The following THRB variants were observed in gnomAD, a reference collection of about 807,000 sequenced individuals.
THRB encodes thyroid hormone receptor beta.
Under a neutral mutation model 47.8 loss-of-function variants are expected in THRB, and 12 were observed. That is an observed-to-expected ratio of 0.25 (90% confidence interval 0.16 to 0.41). The LOEUF is 0.41. THRB is among the 10% of genes least tolerant of loss of function. The pLI, the probability that THRB is intolerant of heterozygous loss-of-function variation, is 1.00. For missense variants in THRB, 348 were observed against 589.2 expected, an observed-to-expected ratio of 0.59 and a Z score of 4.24; for synonymous variants, 218 against 212.2, an observed-to-expected ratio of 1.03 and a Z score of -0.24.
chr3:24,482,923 C>A (rs1696698106), intron 1 of THRB, among the ~76,000 whole-genome samples: 1 of 152,158 alleles, frequency 6.6e-6, no homozygotes, highest in Non-Finnish European at 1.5e-5. Context: ...AAGTAGAAGA[C>A]AGCCTTATTC....
At chr3:24,367,650 A>C (rs983813421) in intron 1 of THRB, among the ~76,000 whole-genome samples, 1 of 152,162 alleles carries the variant, frequency 6.6e-6, no homozygotes. Context: ...CTGTTGTAAC[A>C]TGCTTTGTTG....
chr3:24,190,704 G>A (rs1013890299), intron 4 of THRB, among the ~76,000 whole-genome samples: 1 of 151,970 alleles, frequency 6.6e-6, no homozygotes, highest in Middle Eastern at 3.4e-3. Flanking sequence ...AGGGCTGGCC[G>A]TGAACACTTT....
chr3:24,140,431 T>C (rs1437124284), intron 8 of THRB, among the ~76,000 whole-genome samples: 1 of 152,180 alleles, frequency 6.6e-6, no homozygotes, highest in African/African-American at 2.4e-5. Context: ...GCTGGTGTCA[T>C]GTAAAGGCTT....
At chr3:24,399,850 T>C (rs1002024498) in intron 1 of THRB, among the ~76,000 whole-genome samples, 1 of 152,124 alleles carries the variant, frequency 6.6e-6, no homozygotes, top group African/African-American at 2.4e-5. Context: ...ACCACATTCT[T>C]GGTCTCCAGT....
chr3:24,218,327 TCTCTCTCTCTCTC>T (rs1315526912), intron 4 of THRB, among the ~76,000 whole-genome samples: 3 of 114,052 alleles, frequency 2.6e-5, no homozygotes, highest in African/African-American at 1.2e-4. Flanking sequence ...ATTTTTTGTC[TCTCTCTCTCTCTC>T]TCTTTTTTTT....
At chr3:24,265,887 A>G (rs2052600612) in intron 3 of THRB, among the ~76,000 whole-genome samples, 1 of 152,172 alleles carries the variant, frequency 6.6e-6, no homozygotes, top group Non-Finnish European at 1.5e-5. Flanking sequence ...TTTGAACCCA[A>G]TTTTTAAGAA....
At chr3:24,311,192 G>A (rs2057732231) in intron 2 of THRB, among the ~76,000 whole-genome samples, 1 of 152,132 alleles carries the variant, frequency 6.6e-6, no homozygotes, top group African/African-American at 2.4e-5. Flanking sequence ...TCCTCAAGGG[G>A]CCACAATTAC....
intron 3 of THRB, among the ~76,000 whole-genome samples, chr3:24,233,565 A>AAGAAAG (rs767265130): frequency 0.063 from 5,218 of 82,458 alleles, 213 homozygotes; most frequent in East Asian, 0.15. Context: ...AAAAGGAAGA[A>AAGAAAG]AGAAAGAAAG....
At position 24,233,567 on chromosome 3, in the gene THRB, GAAAGAAAGAAAGAAAGAAAGAAAGA is replaced by G. The variant is rs1559683588; in HGVS notation, c.-42-4591_-42-4567del. On this transcript the variant is annotated intron_variant, in intron 3 of 10. Transcript: ENST00000646209. Reference sequence around the variant, plus strand: ...AGAGAAAGAAAGAAAAAGGAAGAAAGAAAGAAAGAAAGAAAGAAAGAAAGAAAGAAAGAAAGAAAGAAAGAAAGAG... The same window carrying G: ...AGAGAAAGAAAGAAAAAGGAAGAAAGAAGAAAGAAAGAAAGAAAGAAAGAG... Among the ~76,000 whole-genome samples, 1,046 of 135,704 alleles carry G rather than the reference GAAAGAAAGAAAGAAAGAAAGAAAGA, an allele frequency of 7.7e-3. 15 individuals carry two copies. Among genetic ancestry groups the G allele is most frequent in the African/African-American group, 0.028 (1,000 of 35,628 alleles). The allele number at this position is 135,704 out of a possible 152,430, so 89.0% of individuals were successfully genotyped here. A position where few individuals can be genotyped will look rare whatever the true frequency, so the allele number is the denominator to read the frequency against.
At chr3:24,269,387 A>ACGCGCG (rs140133862) in intron 3 of THRB, among the ~76,000 whole-genome samples, 10 of 98,364 alleles carry the variant, frequency 1.0e-4, no homozygotes, top group African/African-American at 3.5e-4. Flanking sequence ...CATAGCTCAC[A>ACGCGCG]CGCGCGCGCG....
intron 1 of THRB, among the ~76,000 whole-genome samples, chr3:24,432,220 A>G (rs140400429): frequency 1.3e-5 from 2 of 152,230 alleles, no homozygotes; most frequent in East Asian, 3.9e-4. Context: ...AAAGAAAAAG[A>G]GAGAGACCAA....
intron 2 of THRB, among the ~76,000 whole-genome samples, chr3:24,299,765 G>GTTTTTTT (rs1559869214): frequency 2.1e-5 from 1 of 46,718 alleles, no homozygotes; most frequent in African/African-American, 1.2e-4. Context: ...GGGGAAGTAT[G>GTTTTTTT]CTTTTTTATT....
intron 1 of THRB, among the ~76,000 whole-genome samples, chr3:24,363,468 A>G (rs62255389): frequency 0.03 from 4,602 of 152,282 alleles, 102 homozygotes; most frequent in South Asian, 0.058. Context: ...AATATTAAGC[A>G]ATCCACTGGA....
chr3:24,373,012 A>G (rs2065029187), intron 1 of THRB, among the ~76,000 whole-genome samples: 1 of 152,132 alleles, frequency 6.6e-6, no homozygotes, highest in Non-Finnish European at 1.5e-5. Flanking sequence ...CTAGCAACAT[A>G]GAAAGAGATC....
At position 24,120,166 on chromosome 3, in the gene THRB, A is replaced by C. The variant is rs2031409424; in HGVS notation, c.*2718T>G. ...ACCTCTGTCAGCTTCAGAAGGAAGG[A>C]GTTTAGTTTCAGAGTCATTATCTTT... On this transcript the variant is annotated 3_prime_UTR_variant, in exon 11 of 11. Coordinates refer to ENST00000646209, the MANE Select transcript of THRB (RefSeq NM_001354712.2). The C allele has an allele frequency of 6.6e-6, 1 of 152,200 alleles. No individual in the cohort carries two copies. Among genetic ancestry groups the C allele is most frequent in the South Asian group, 2.1e-4 (1 of 4,820 alleles). The allele number at this position is 152,200 out of a possible 1,614,324, so 9.4% of individuals were successfully genotyped here.
chr3:24,334,396 T>G (rs2062107787), intron 2 of THRB, among the ~76,000 whole-genome samples: 1 of 152,166 alleles, frequency 6.6e-6, no homozygotes, highest in Admixed American at 6.5e-5. Context: ...TAAAAAAAAT[T>G]ATGAAGAATT....
rs955239185 is a variant in THRB, at chr3:24,129,695, G to A, written c.886-1938C>T. ...ACCTGCCAAAATGCTTTCATTGTGA[G>A]AACACTCAACAAGGGCCTGACAGGC... On this transcript the variant is annotated intron_variant, in intron 9 of 10. Transcript: ENST00000646209. Among the ~76,000 whole-genome samples, 7 of 152,218 alleles carry A rather than the reference G, an allele frequency of 4.6e-5. No individual in the cohort carries two copies. In the East Asian group the frequency reaches 9.6e-4, roughly 21 times the overall value.
chr3:24,247,083 A>G lies in THRB; in HGVS notation c.-42-18082T>C, dbSNP rs554037801. ...CTTAGCTCCATGGCAAAGGCCAACT[A>G]GACAAAACGTGGCTCTTGGCTTTGA... On this transcript the variant is annotated intron_variant, in intron 3 of 10. Transcript: ENST00000646209. Among the ~76,000 whole-genome samples the G allele has an allele frequency of 1.6e-4, 24 of 152,368 alleles. 1 individual carries two copies. The South Asian group carries it at 2.1e-3, about 13-fold the overall frequency.
chr3:24,458,950 A>C (rs1230075768), intron 1 of THRB: 1 of 150,782 alleles, frequency 6.6e-6, no homozygotes, highest in Non-Finnish European at 1.5e-5. Flanking sequence ...TTATTTATTT[A>C]TAAATATTTA....
Sources: allele counts gnomAD v4.1 joint callset (sites outside exome capture counted in the v4.1 genomes callset), GRCh38; gene constraint gnomAD v4.1.1; transcripts MANE v1.5; gene names NCBI Gene and HGNC (gene_info 2026-07-23, HGNC 2026-07-21).